The following ITGA8 variants were observed in gnomAD, a reference collection of about 807,000 sequenced individuals.
ITGA8 encodes integrin subunit alpha 8.
Under a neutral mutation model 142.3 loss-of-function variants are expected in ITGA8, and 91 were observed. The ratio of observed to expected loss-of-function variants is 0.64; its 90% CI spans 0.54 to 0.76. ITGA8 has a LOEUF of 0.76. Among genes scored for constraint, ITGA8 ranks in the 30% least tolerant of loss-of-function variants. The pLI, the probability that ITGA8 is intolerant of heterozygous loss-of-function variation, is 0.00. For synonymous variants in ITGA8, 505 were observed against 485.2 expected, an observed-to-expected ratio of 1.04 and a Z score of -0.54; for missense variants, 1,406 against 1,327.7, an observed-to-expected ratio of 1.06 and a Z score of -0.92.
At chr10:15,528,008 C>G (rs1418618009) in intron 28 of ITGA8, among the ~76,000 whole-genome samples, 2 of 146,836 alleles carry the variant, frequency 1.4e-5, no homozygotes, top group East Asian at 4.1e-4. Flanking sequence ...CTCCGCCTCT[C>G]AGGCTCAAGC....
At chr10:15,530,154 T>C (rs901641625) in intron 28 of ITGA8, among the ~76,000 whole-genome samples, 10 of 152,238 alleles carry the variant, frequency 6.6e-5, no homozygotes, top group Non-Finnish European at 1.0e-4. Flanking sequence ...TTCATTCCTT[T>C]ATCCCCTTTG....
intron 27 of ITGA8, among the ~76,000 whole-genome samples, chr10:15,538,016 G>A (rs1833483395): frequency 6.6e-6 from 1 of 152,064 alleles, no homozygotes; most frequent in African/African-American, 2.4e-5. Context: ...GCATGGGTCT[G>A]TAGTCCCAGA....
intron 13 of ITGA8, among the ~76,000 whole-genome samples, chr10:15,620,934 A>C (rs1833479883): frequency 6.6e-6 from 1 of 152,244 alleles, no homozygotes; most frequent in Admixed American, 6.5e-5. Context: ...ATAATATTTT[A>C]AGATATTGCA....
At chr10:15,554,616 A>G (rs375153069) in intron 26 of ITGA8, among the ~76,000 whole-genome samples, 44 of 152,310 alleles carry the variant, frequency 2.9e-4, no homozygotes, top group African/African-American at 9.6e-4. Flanking sequence ...TGGCTGAGAG[A>G]GTAGAAGACT....
At chr10:15,610,069 T>C (rs1181567772) in intron 15 of ITGA8, among the ~76,000 whole-genome samples, 2 of 152,204 alleles carry the variant, frequency 1.3e-5, no homozygotes, top group East Asian at 3.8e-4. Context: ...TGAATATCAT[T>C]ACCAAATGGA....
At chr10:15,692,403 T>C (rs1203492011) in intron 2 of ITGA8, among the ~76,000 whole-genome samples, 1 of 152,236 alleles carries the variant, frequency 6.6e-6, no homozygotes, top group Admixed American at 6.5e-5. Context: ...TCTTAAGATT[T>C]GCATTTCAGA....
intron 20 of ITGA8, among the ~76,000 whole-genome samples, chr10:15,598,160 T>A (rs1264450885): frequency 6.6e-6 from 1 of 152,156 alleles, no homozygotes; most frequent in East Asian, 1.9e-4. Context: ...TCTAACTTGT[T>A]ATGTGCCATC....
At chr10:15,628,679 G>T (rs943174543) in intron 13 of ITGA8, among the ~76,000 whole-genome samples, 2 of 151,708 alleles carry the variant, frequency 1.3e-5, no homozygotes, top group African/African-American at 4.9e-5. Flanking sequence ...CTCTCTTGGG[G>T]TCTGGATCAG....
intron 25 of ITGA8, among the ~76,000 whole-genome samples, chr10:15,560,626 T>C (rs1035443393): frequency 3.3e-5 from 5 of 152,202 alleles, no homozygotes; most frequent in Non-Finnish European, 5.9e-5. Context: ...AGAATACTAC[T>C]GGACAGGTTT....
chr10:15,688,661 G>T (rs1588725341), intron 2 of ITGA8, among the ~76,000 whole-genome samples: 1 of 152,258 alleles, frequency 6.6e-6, no homozygotes, highest in South Asian at 2.1e-4. Context: ...ATGTTCAAGT[G>T]GGATTTATCC....
chr10:15,666,687 T>C (rs944933910), intron 8 of ITGA8, among the ~76,000 whole-genome samples: 40 of 152,240 alleles, frequency 2.6e-4, no homozygotes, highest in Admixed American at 1.8e-3. Flanking sequence ...TTTTGAGATA[T>C]GTCCCATCAA....
chr10:15,567,990 G>A (rs769249252), intron 25 of ITGA8, among the ~76,000 whole-genome samples: 1 of 152,198 alleles, frequency 6.6e-6, no homozygotes, highest in Non-Finnish European at 1.5e-5. Flanking sequence ...ATAGCTCACT[G>A]CAGCCTCCAA....
chr10:15,625,553 G>A (rs1040724272), intron 13 of ITGA8, among the ~76,000 whole-genome samples: 5 of 152,210 alleles, frequency 3.3e-5, no homozygotes, highest in East Asian at 1.9e-4. Flanking sequence ...CCAGAAGAGC[G>A]TGATAGCTCA....
chr10:15,653,559 A>G lies in ITGA8; in HGVS notation c.1001+1795T>C, dbSNP rs748660631. Reference sequence around the variant, plus strand: ...ATTCACACTTGGTATCAAACCTTCTATGGGTTTTAACAAATATATAAGGAC... The same window carrying G: ...ATTCACACTTGGTATCAAACCTTCTGTGGGTTTTAACAAATATATAAGGAC... On this transcript the variant is annotated intron_variant, in intron 11 of 29. Coordinates refer to ENST00000378076, the MANE Select transcript of ITGA8 (RefSeq NM_003638.3). Among the ~76,000 whole-genome samples, 18 of 152,262 alleles carry G rather than the reference A, an allele frequency of 1.2e-4. 1 individual carries two copies. The highest frequency in any genetic ancestry group is 6.8e-3 in the Middle Eastern group (2 of 294).
chr10:15,601,032 G>C (rs974918890), intron 20 of ITGA8, among the ~76,000 whole-genome samples: 1 of 152,132 alleles, frequency 6.6e-6, no homozygotes, highest in Non-Finnish European at 1.5e-5. Flanking sequence ...TTGAGGTCAG[G>C]AGTTCAAGAC....
intron 13 of ITGA8, among the ~76,000 whole-genome samples, chr10:15,624,397 G>T (rs945607930): frequency 2.6e-5 from 4 of 152,204 alleles, no homozygotes; most frequent in Non-Finnish European, 4.4e-5. Flanking sequence ...CAAGAGCTCA[G>T]TAGCATTTGT....
rs1833015633 is a variant in ITGA8, at chr10:15,519,377, A to G, written c.3018T>C (p.Val1006=). The change falls in exon 29 of 30, where the codon GTT becomes GTC. Residue 1006 remains valine, a synonymous_variant. Coordinates refer to ENST00000378076, the MANE Select transcript of ITGA8 (RefSeq NM_003638.3). ...KTSVIWATPN[V]SFSIPLWVII... ...TTACCCATAATGGGATTGAGAAGGA[A>G]ACATTCGGAGTTGCCCAAATAACTG... 6.2e-7 allele frequency: 1 copy of G among 1,613,796 alleles called. No individual in the cohort carries two copies.
chr10:15,684,033 G>A lies in ITGA8; in HGVS notation c.539C>T (p.Ala180Val), dbSNP rs1327170543. 8 of 1,614,162 alleles carry A rather than the reference G, an allele frequency of 5.0e-6. No homozygotes were observed. The East Asian group carries it at 1.3e-4, about 27-fold the overall frequency. Residue 180 changes from alanine (A) to valine (V), a missense_variant, in exon 4 of 30, where the codon GCC becomes GTC. Transcript: ENST00000378076. ...CCGGCAAGGAGAGAACTCGGCATAG[G>A]CGCTGAAGTTCTGAATTGCTACATA... ...TCYVAIQNFS[A>V]YAEFSPCRNS...
At chr10:15,632,359 C>G (rs1833699107) in intron 13 of ITGA8, among the ~76,000 whole-genome samples, 1 of 152,152 alleles carries the variant, frequency 6.6e-6, no homozygotes, top group African/African-American at 2.4e-5. Context: ...GATGACAGTT[C>G]CTACATTTTC....
Sources: allele counts gnomAD v4.1 joint callset (sites outside exome capture counted in the v4.1 genomes callset), GRCh38; gene constraint gnomAD v4.1.1; transcripts MANE v1.5; gene names NCBI Gene and HGNC (gene_info 2026-07-23, HGNC 2026-07-21).